Variants in DACH2 observed in about 807,000 individuals in gnomAD.
DACH2 encodes the protein dachshund family transcription factor 2.
DACH2 carries 17 observed loss-of-function variants against 35.8 expected under a neutral mutation model. The observed-to-expected ratio is 0.48, with a 90% confidence interval of 0.33 to 0.71. The LOEUF (loss-of-function observed/expected upper bound fraction) is 0.71, where lower values mean the gene tolerates loss of function less well. DACH2 is among the 30% of genes least tolerant of loss of function. The pLI is 0.02. For synonymous variants in DACH2, 195 were observed against 177.3 expected, an observed-to-expected ratio of 1.10 and a Z score of -0.79; for missense variants, 469 against 472.7, an observed-to-expected ratio of 0.99 and a Z score of 0.07.
At chrX:86,674,227 T>C (rs1382745805) in intron 4 of DACH2, among the ~76,000 whole-genome samples, 1 of 112,430 alleles carries the variant, frequency 8.9e-6, no homozygotes, top group Non-Finnish European at 1.9e-5. Context: ...AGGACATTGT[T>C]CATTACTCTT....
intron 3 of DACH2, among the ~76,000 whole-genome samples, chrX:86,574,795 G>A (rs1297719336): frequency 2.7e-5 from 3 of 111,154 alleles, no homozygotes; most frequent in African/African-American, 9.8e-5. Context: ...GAATATTTTA[G>A]GTTCAATTCC....
chrX:86,442,425 T>A (rs1378756545), intron 2 of DACH2, among the ~76,000 whole-genome samples: 1 of 104,339 alleles, frequency 9.6e-6, no homozygotes, highest in Non-Finnish European at 2.0e-5. Flanking sequence ...CTTTTTTGAG[T>A]TTCTTACGCA....
rs777299079 is a variant in DACH2, at chrX:86,817,170, C to T, written c.1750+1071C>T. On this transcript the variant is annotated intron_variant, in intron 11 of 11. Coordinates refer to ENST00000373125, the MANE Select transcript of DACH2 (RefSeq NM_053281.3). ...ATGATTCTGTTGCAGGTGGGTAGAC[C>T]TAACTAATGCACTATGTTAGGTGTA... Among the ~76,000 whole-genome samples, 3 of 111,965 alleles carry T rather than the reference C, an allele frequency of 2.7e-5. No homozygotes were observed. In the Admixed American group the frequency reaches 2.9e-4, roughly 11 times the overall value.
chrX:86,648,906 A>C (rs1042854607), intron 3 of DACH2, among the ~76,000 whole-genome samples: 1 of 111,242 alleles, frequency 9.0e-6, no homozygotes, highest in African/African-American at 3.2e-5. Context: ...GACAACAAAA[A>C]ATGCATGACC....
intron 2 of DACH2, among the ~76,000 whole-genome samples, chrX:86,436,588 A>T (rs773843861): frequency 9.0e-6 from 1 of 110,663 alleles, no homozygotes; most frequent in Non-Finnish European, 1.9e-5. Context: ...TTATTGACAG[A>T]TTTGGACTGT....
At chrX:86,515,756 C>T (rs1205691572) in intron 3 of DACH2, among the ~76,000 whole-genome samples, 1 of 111,748 alleles carries the variant, frequency 8.9e-6, no homozygotes, top group African/African-American at 3.3e-5. Context: ...TTGTTTTATT[C>T]TTAAAGAAAC....
chrX:86,770,168 A>AC (rs2041975193), intron 7 of DACH2, among the ~76,000 whole-genome samples: 1 of 105,413 alleles, frequency 9.5e-6, no homozygotes, highest in Non-Finnish European at 1.9e-5. Context: ...AGAGCCACTC[A>AC]TTTTTTTTTT....
chrX:86,293,748 G>T (rs1339467983), intron 1 of DACH2, among the ~76,000 whole-genome samples: 1 of 110,986 alleles, frequency 9.0e-6, no homozygotes, highest in Non-Finnish European at 1.9e-5. Context: ...GTTGAATATT[G>T]GCCCCCACTC....
chrX:86,222,759 A>G (rs890067870), intron 1 of DACH2, among the ~76,000 whole-genome samples: 3 of 111,056 alleles, frequency 2.7e-5, no homozygotes, highest in Non-Finnish European at 5.7e-5. Flanking sequence ...AAAGCAGGCT[A>G]CTTAACTGAG....
chrX:86,156,920 T>C (rs1333420399), intron 1 of DACH2, among the ~76,000 whole-genome samples: 3 of 111,424 alleles, frequency 2.7e-5, no homozygotes, highest in Non-Finnish European at 5.7e-5. Flanking sequence ...CCCAATCCAA[T>C]GAAACTCAAA....
intron 1 of DACH2, among the ~76,000 whole-genome samples, chrX:86,238,371 G>T (rs2033098555): frequency 9.0e-6 from 1 of 111,571 alleles, no homozygotes; most frequent in African/African-American, 3.3e-5. Context: ...GTCTTTATTG[G>T]AAGGCCTTCA....
chrX:86,567,515 A>T (rs1300007320), intron 3 of DACH2, among the ~76,000 whole-genome samples: 1 of 111,386 alleles, frequency 9.0e-6, no homozygotes, highest in African/African-American at 3.3e-5. Flanking sequence ...AGAAAAGAGT[A>T]ACATGTGCGT....
chrX:86,490,984 G>A (rs1278343033), intron 2 of DACH2, among the ~76,000 whole-genome samples: 1 of 111,090 alleles, frequency 9.0e-6, no homozygotes, highest in Non-Finnish European at 1.9e-5. Flanking sequence ...GCATGAGTAT[G>A]AGTACAGATT....
intron 1 of DACH2, among the ~76,000 whole-genome samples, chrX:86,249,204 G>T (rs767950354): frequency 7.2e-5 from 8 of 111,075 alleles, no homozygotes; most frequent in South Asian, 7.5e-4. Flanking sequence ...CTGATAAGTG[G>T]GGCCTAATTT....
At chrX:86,769,529 T>C (rs1172246203) in intron 7 of DACH2, among the ~76,000 whole-genome samples, 2 of 111,777 alleles carry the variant, frequency 1.8e-5, no homozygotes, top group Non-Finnish European at 3.8e-5. Context: ...ATTACCATTT[T>C]TCAAACTGTA....
intron 1 of DACH2, among the ~76,000 whole-genome samples, chrX:86,156,437 A>AGTATGCAGTT (rs2030548801): frequency 8.9e-6 from 1 of 111,796 alleles, no homozygotes; most frequent in Non-Finnish European, 1.9e-5. Context: ...AAATAGTTAA[A>AGTATGCAGTT]GTATGCAGTT....
intron 1 of DACH2, among the ~76,000 whole-genome samples, chrX:86,228,368 T>C (rs746376755): frequency 9.1e-6 from 1 of 110,457 alleles, no homozygotes; most frequent in South Asian, 3.9e-4. Context: ...TCCACGATTT[T>C]GCTATTGTGA....
chrX:86,649,016 A>G (rs770109301), intron 3 of DACH2, among the ~76,000 whole-genome samples: 290 of 110,213 alleles, frequency 2.6e-3, no homozygotes, highest in Middle Eastern at 0.023. Context: ...CCATCAGGAA[A>G]CTTGGTCTTC....
chrX:86,271,998 T>A (rs195039), intron 1 of DACH2, among the ~76,000 whole-genome samples: 1 of 110,801 alleles, frequency 9.0e-6, no homozygotes, highest in Non-Finnish European at 1.9e-5. Context: ...CTCCCCATGC[T>A]TCTCAGTCTC....
Sources: allele counts gnomAD v4.1 joint callset (sites outside exome capture counted in the v4.1 genomes callset), GRCh38; gene constraint gnomAD v4.1.1; transcripts MANE v1.5; gene names NCBI Gene and HGNC (gene_info 2026-07-23, HGNC 2026-07-21).